Variants in MAP3K21 observed in about 807,000 individuals in gnomAD.
MAP3K21 encodes mitogen-activated protein kinase kinase kinase 21.
In MAP3K21, 63 loss-of-function variants were observed where a neutral mutation model predicts 86.1. The observed-to-expected ratio is 0.73, with a 90% confidence interval of 0.60 to 0.90. The LOEUF is 0.90. MAP3K21 is among the 40% of genes least tolerant of loss of function. The pLI, the probability that MAP3K21 is intolerant of heterozygous loss-of-function variation, is 0.00. For synonymous variants in MAP3K21, 558 were observed against 564.8 expected (o/e 0.99, Z 0.17); for missense variants, 1,220 against 1,367.7 (o/e 0.89, Z 1.70).
chr1:233,341,724 C>T (rs1292827764), intron 1 of MAP3K21, among the ~76,000 whole-genome samples: 1 of 152,136 alleles, frequency 6.6e-6, no homozygotes, highest in East Asian at 1.9e-4. Context: ...CCAGCCCTTA[C>T]TTGGGGTCTG....
At chr1:233,362,674 C>T (rs1663487221) in intron 5 of MAP3K21, among the ~76,000 whole-genome samples, 1 of 151,804 alleles carries the variant, frequency 6.6e-6, no homozygotes, top group Non-Finnish European at 1.5e-5. Flanking sequence ...TTCATCATTA[C>T]GTTCATTGCT....
intron 1 of MAP3K21, among the ~76,000 whole-genome samples, chr1:233,337,683 C>A (rs1477539328): frequency 2.0e-5 from 3 of 152,154 alleles, no homozygotes; most frequent in Non-Finnish European, 4.4e-5. Context: ...TTGTTCCCTG[C>A]AGGTGTGCTG....
intron 5 of MAP3K21, among the ~76,000 whole-genome samples, chr1:233,368,383 T>A (rs1410865791): frequency 1.3e-5 from 2 of 152,164 alleles, no homozygotes; most frequent in African/African-American, 4.8e-5. Flanking sequence ...CTAGGTGCAG[T>A]GACTCACGCC....
intron 1 of MAP3K21, among the ~76,000 whole-genome samples, chr1:233,344,941 C>T (rs1182844399): frequency 6.6e-6 from 1 of 152,130 alleles, no homozygotes; most frequent in African/African-American, 2.4e-5. Flanking sequence ...AGACACTTCT[C>T]AAAAGAAGAC....
chr1:233,328,102 C>A lies in MAP3K21; in HGVS notation c.74C>A (p.Ala25Glu). 2.2e-6 allele frequency: 3 copies of A among 1,378,622 alleles called. No homozygotes were observed. Among genetic ancestry groups the A allele is most frequent in the African/African-American group, 1.5e-5 (1 of 65,904 alleles). The allele number at this position is 1,378,622 out of a possible 1,614,324, so 85.4% of individuals were successfully genotyped here. A position where few individuals can be genotyped will look rare whatever the true frequency, so the allele number is the denominator to read the frequency against. ...SSAGGAPGGSASSSSTSSGGS... is the reference protein window; with the variant it reads ...SSAGGAPGGSESSSSTSSGGS... ...GCCGGGGGAGCCCCCGGCGGCTCAGCGTCCTCGTCGTCCACCTCCTCGGGC... is the reference window on the plus strand; with the variant it reads ...GCCGGGGGAGCCCCCGGCGGCTCAGAGTCCTCGTCGTCCACCTCCTCGGGC... The change falls in exon 1 of 10, where the codon GCG (alanine) becomes GAG (glutamate). Residue 25 changes from alanine (A) to glutamate (E), a missense_variant. Transcript: ENST00000366624. The surrounding 1 kb of genome is among the most constrained non-coding windows in gnomAD (Gnocchi z 8.7).
At chr1:233,343,609 T>C (rs1533777) in intron 1 of MAP3K21, among the ~76,000 whole-genome samples, 64,191 of 152,000 alleles carry the variant, frequency 0.42, 14,698 homozygotes, top group African/African-American at 0.57. Flanking sequence ...TGTGAAAAAT[T>C]AGTAAAAGCT....
intron 1 of MAP3K21, among the ~76,000 whole-genome samples, chr1:233,331,495 T>A (rs1315925171): frequency 6.6e-6 from 1 of 152,250 alleles, no homozygotes; most frequent in Non-Finnish European, 1.5e-5. Flanking sequence ...GACTTCTTGT[T>A]TAGACTTTTA....
At chr1:233,365,268 T>C (rs1663551660) in intron 5 of MAP3K21, among the ~76,000 whole-genome samples, 1 of 151,778 alleles carries the variant, frequency 6.6e-6, no homozygotes, top group African/African-American at 2.4e-5. Context: ...AAAACAAAAA[T>C]AGACAATTGG....
At chr1:233,353,665 ATGT>A (rs1663292712) in intron 2 of MAP3K21, 139 bp from the exon 3 acceptor site, 1 of 649,932 alleles carries the variant, frequency 1.5e-6, no homozygotes. Context: ...CCACCTTGGG[ATGT>A]CAGCCATTTA....
chr1:233,382,489 A>T lies in MAP3K21; in HGVS notation c.2889A>T (p.Thr963=). The change falls in exon 10 of 10, where the codon ACA becomes ACT. Residue 963 remains threonine, a synonymous_variant. Transcript: ENST00000366624. ...RSDLPQAYPQ[T]AVSQLAQTAC... is the part of the protein sequence containing the mutation. ...ATCTGCCTCAGGCTTACCCACAGAC[A>T]GCAGTGTCTCAGCTGGCACAGACTG... 6.2e-7 allele frequency: 1 copy of T among 1,614,182 alleles called. No individual in the cohort carries two copies. Among genetic ancestry groups the T allele is most frequent in the Non-Finnish European group, 8.5e-7 (1 of 1,180,030 alleles).
intron 4 of MAP3K21, among the ~76,000 whole-genome samples, chr1:233,355,645 C>T (rs1663337268): frequency 6.6e-6 from 1 of 152,064 alleles, no homozygotes; most frequent in Non-Finnish European, 1.5e-5. Flanking sequence ...AGCAGAAGCT[C>T]CCCCGACTCC....
In MAP3K21 at chr1:233,329,200, A is replaced by G. The variant is rs75532035; in HGVS notation, c.805+367A>G. 4.7e-3 allele frequency among the ~76,000 whole-genome samples: 710 copies of G among 152,236 alleles called. 6 individuals are homozygous for G. The highest frequency in any genetic ancestry group is 0.016 in the African/African-American group (653 of 41,544). ...TGCAAACCGAGGCCTTCTGCAGATT[A>G]TATGGAACCCATGACCGTCTTCACC... On this transcript the variant is annotated intron_variant, in intron 1 of 9. Coordinates refer to ENST00000366624, the MANE Select transcript of MAP3K21 (RefSeq NM_032435.3).
At chr1:233,361,406 T>A (rs1663463537) in intron 4 of MAP3K21, among the ~76,000 whole-genome samples, 1 of 152,196 alleles carries the variant, frequency 6.6e-6, no homozygotes, top group African/African-American at 2.4e-5. Flanking sequence ...GTATACAGAA[T>A]ATATTTTCCT....
In MAP3K21 at chr1:233,371,521, G is replaced by A. The variant is rs188795663; in HGVS notation, c.1553-517G>A. Among the ~76,000 whole-genome samples the A allele has an allele frequency of 1.8e-4, 27 of 152,028 alleles. 1 individual carries two copies. The highest frequency in any genetic ancestry group is 1.4e-3 in the Admixed American group (21 of 15,288). On this transcript the variant is annotated intron_variant, in intron 5 of 9. Coordinates refer to ENST00000366624, the MANE Select transcript of MAP3K21 (RefSeq NM_032435.3). ...GATTACAGATGTGTGCCACCATGCC[G>A]GCTAATTTTTGTGTTTTTAGTAGAG...
chr1:233,358,386 A>G (rs899253727), intron 4 of MAP3K21, among the ~76,000 whole-genome samples: 1 of 151,880 alleles, frequency 6.6e-6, no homozygotes, highest in Non-Finnish European at 1.5e-5. Context: ...TCTGTGAAGC[A>G]TTACTACCAG....
intron 9 of MAP3K21, among the ~76,000 whole-genome samples, chr1:233,381,322 C>T (rs1663911834): frequency 6.6e-6 from 1 of 152,122 alleles, no homozygotes; most frequent in Admixed American, 6.5e-5. Context: ...CTAATCTGTA[C>T]AATTGAGATC....
chr1:233,371,991 T>C (rs895930456), intron 5 of MAP3K21, 47 bp from the exon 6 acceptor site: 1 of 1,590,782 alleles, frequency 6.3e-7, no homozygotes, highest in Non-Finnish European at 8.6e-7. Flanking sequence ...GCTATGAAGA[T>C]AAAGGAAAAC....
chr1:233,369,022 A>AT (rs1663634339), intron 5 of MAP3K21, among the ~76,000 whole-genome samples: 2 of 152,096 alleles, frequency 1.3e-5, no homozygotes, highest in African/African-American at 4.8e-5. Flanking sequence ...CTTACCTTAT[A>AT]TTGAGGGAGG....
chr1:233,364,070 A>G (rs1391750383), intron 5 of MAP3K21, among the ~76,000 whole-genome samples: 1 of 152,024 alleles, frequency 6.6e-6, no homozygotes, highest in Non-Finnish European at 1.5e-5. Flanking sequence ...TCATCATGAG[A>G]GTCCAGTATA....
Sources: gnomAD v4.1 joint callset for allele counts (sites outside exome capture counted in the v4.1 genomes callset) on GRCh38, gnomAD v4.1.1 for gene constraint, Gnocchi (gnomAD v3.1) non-coding constraint, MANE v1.5 for transcripts, NCBI Gene and HGNC (gene_info 2026-07-23, HGNC 2026-07-21) for gene names.